HERC2: variants seen among roughly 807,000 people sequenced by gnomAD.
The protein encoded by HERC2 is HECT and RLD domain containing E3 ubiquitin protein ligase 2.
HERC2 carries 102 observed loss-of-function variants against 537.7 expected under a neutral mutation model. The ratio of observed to expected loss-of-function variants is 0.19; its 90% confidence interval spans 0.16 to 0.22. The LOEUF (loss-of-function observed/expected upper bound fraction) is 0.22. Among genes scored for constraint, HERC2 ranks in the 10% least tolerant of loss-of-function variants. The pLI is 1.00. For missense variants in HERC2, 4,236 were observed against 6,198.2 expected, an observed-to-expected ratio of 0.68 and a Z score of 10.63; for synonymous variants, 2,224 against 2,466.2, an observed-to-expected ratio of 0.90 and a Z score of 2.91.
chr15:28,129,761 C>T (rs968299216), intron 83 of HERC2, among the ~76,000 whole-genome samples: 2 of 148,994 alleles, frequency 1.3e-5, no homozygotes, highest in Non-Finnish European at 3.0e-5. Flanking sequence ...TCTCAGGACA[C>T]AGTATAAGCC....
intron 78 of HERC2, among the ~76,000 whole-genome samples, chr15:28,136,118 G>GAA (rs71132836): frequency 5.3e-5 from 8 of 151,312 alleles, no homozygotes; most frequent in Admixed American, 1.3e-4. Flanking sequence ...AACCACAAGG[G>GAA]AAAAAACACC....
At chr15:28,300,029 G>GT (rs1243409484) in intron 2 of HERC2, among the ~76,000 whole-genome samples, 1 of 146,164 alleles carries the variant, frequency 6.8e-6, no homozygotes, top group African/African-American at 2.5e-5. Context: ...CTCAGCCTGA[G>GT]TGACAAGAGC....
At chr15:28,154,571 GA>G (rs1013950323) in intron 69 of HERC2, among the ~76,000 whole-genome samples, 1 of 152,202 alleles carries the variant, frequency 6.6e-6, no homozygotes, top group African/African-American at 2.4e-5. Flanking sequence ...ATCATCTGCA[GA>G]GGGGTCATGA....
Position 28,177,289 on chromosome 15 carries a change from G to A in HERC2, c.9254+130C>T. The A allele has an allele frequency of 8.1e-7, 1 of 1,231,364 alleles. No individual in the cohort carries two copies. Among genetic ancestry groups the A allele is most frequent in the Non-Finnish European group, 1.1e-6 (1 of 877,064 alleles). 76.3% of individuals were successfully genotyped at this position (1,231,364 alleles called of 1,614,324 possible). On this transcript the variant is annotated intron_variant, in intron 60 of 92. Transcript: ENST00000261609. This position sits in a 1 kb window ranked among gnomAD's most constrained non-coding sequence, Gnocchi z 5.0. Reference sequence around the variant, plus strand: ...GTGAGACCAAAACACAAACAACCGTGTTAAAAAAATTTTGTTTAAGAACCA... The same window carrying A: ...GTGAGACCAAAACACAAACAACCGTATTAAAAAAATTTTGTTTAAGAACCA...
chr15:28,193,394 A>C (rs1407727757), intron 52 of HERC2, among the ~76,000 whole-genome samples: 1 of 152,230 alleles, frequency 6.6e-6, no homozygotes, highest in East Asian at 1.9e-4. Flanking sequence ...AACTCAGCTG[A>C]AGAGAAAGTA....
At chr15:28,241,206 G>A (rs561293544) in intron 23 of HERC2, among the ~76,000 whole-genome samples, 65 of 152,054 alleles carry the variant, frequency 4.3e-4, no homozygotes, top group African/African-American at 1.4e-3. Context: ...ATTAAAACAC[G>A]GGCAAAAGAC....
At chr15:28,304,274 T>C (rs989517812) in intron 2 of HERC2, among the ~76,000 whole-genome samples, 73 of 151,494 alleles carry the variant, frequency 4.8e-4, no homozygotes, top group Admixed American at 4.0e-4. Context: ...CATTTTTTGG[T>C]GGAGTTTTCA....
In HERC2 at chr15:28,178,962, T is replaced by C. The variant is rs1003966741; in HGVS notation, c.9088A>G (p.Ser3030Gly). Residue 3030 changes from serine to glycine, a missense_variant, in exon 59 of 93, where the codon AGC becomes GGC. Coordinates refer to ENST00000261609, the MANE Select transcript of HERC2 (RefSeq NM_004667.6). The part of the protein sequence containing the change: ...TNGRLGLGIS[S>G]GTVPIPRQIT... ...TGCCGTGGGATGGGCACCGTCCCGC[T>C]GGAAATGCCCAGCCCCAGCCGGCCA... 6.2e-7 allele frequency: 1 copy of C among 1,614,216 alleles called. No homozygotes were observed. The highest frequency in any genetic ancestry group is 8.5e-7 in the Non-Finnish European group (1 of 1,180,036).
chr15:28,168,382 A>G (rs865949761), intron 67 of HERC2, 25 bp downstream of exon 67: 5 of 1,607,422 alleles, frequency 3.1e-6, no homozygotes, highest in Middle Eastern at 1.7e-4. Context: ...TTTCTGATCT[A>G]ACATTGCTTT....
At chr15:28,307,789 G>A (rs4035961) in intron 2 of HERC2, among the ~76,000 whole-genome samples, 9 of 152,322 alleles carry the variant, frequency 5.9e-5, no homozygotes, top group Non-Finnish European at 8.8e-5. Flanking sequence ...AGTTTTCCCA[G>A]CACCATTTAT....
At chr15:28,212,061 C>G (rs969714745) in intron 43 of HERC2, among the ~76,000 whole-genome samples, 16 of 152,140 alleles carry the variant, frequency 1.1e-4, no homozygotes, top group Admixed American at 3.3e-4. Flanking sequence ...CAGGCGCTTC[C>G]GGGACAGAGG....
At chr15:28,170,624 C>A (rs148190038) in intron 65 of HERC2, among the ~76,000 whole-genome samples, 2 of 152,000 alleles carry the variant, frequency 1.3e-5, no homozygotes, top group Non-Finnish European at 2.9e-5. Flanking sequence ...AGACTTGACA[C>A]CAAAAGTATG....
intron 86 of HERC2, chr15:28,117,481 T>C (rs1285423897): frequency 3.2e-6 from 2 of 623,740 alleles, no homozygotes; most frequent in African/African-American, 1.8e-5. Context: ...AGCACCACCC[T>C]GGCACGGACC....
At chr15:28,293,947 G>A (rs565977457) in intron 3 of HERC2, among the ~76,000 whole-genome samples, 3,305 of 152,310 alleles carry the variant, frequency 0.022, 106 homozygotes, top group African/African-American at 0.074. Flanking sequence ...GTGTAAACAC[G>A]TTCCATCACA....
intron 59 of HERC2, 66 bp downstream of exon 59, chr15:28,178,821 C>G (rs1218110060): frequency 6.6e-7 from 1 of 1,509,184 alleles, no homozygotes; most frequent in Admixed American, 2.1e-5. Flanking sequence ...CCAATTAGGG[C>G]TTTGGTTAAC....
Position 28,112,043 on chromosome 15 carries a change from G to A in HERC2, c.14233-8C>T. ...GTTGTATTTATCCAACACCTGTTGAGCAGAAACATGAAGTGATTAGAAATT... is the reference window on the plus strand; with the variant it reads ...GTTGTATTTATCCAACACCTGTTGAACAGAAACATGAAGTGATTAGAAATT... On this transcript the variant is annotated splice_polypyrimidine_tract_variant and splice_region_variant and intron_variant, in intron 92 of 92. Transcript: ENST00000261609. 5 of 1,612,636 alleles carry A rather than the reference G, an allele frequency of 3.1e-6. No homozygotes were observed. Among genetic ancestry groups the A allele is most frequent in the Non-Finnish European group, 4.2e-6 (5 of 1,178,854 alleles).
intron 2 of HERC2, among the ~76,000 whole-genome samples, chr15:28,304,165 CAAAAAAAAAAAAAAA>C (rs779514776): frequency 2.2e-4 from 14 of 63,816 alleles, no homozygotes; most frequent in East Asian, 1.8e-3. Context: ...GACTCCATCT[CAAAAAAAAAAAAAAA>C]AAAAAAAAAA....
intron 2 of HERC2, chr15:28,312,626 A>AT (rs199844052): frequency 0.011 from 1,730 of 160,774 alleles, no homozygotes; most frequent in African/African-American, 0.04. Context: ...GACCCTATTC[A>AT]TAAAAAAAAT....
rs80225126 is a variant in HERC2 at position 28,181,900 on chromosome 15, C to T, written c.8937+501G>A. Among the ~76,000 whole-genome samples the T allele has an allele frequency of 4.5e-4, 69 of 152,316 alleles. 1 individual carries two copies. The East Asian group carries it at 0.012, about 26-fold the overall frequency. ...CATGGCGCTCTCCACCCACAACAAG[C>T]CCTGCAGAGAATAAGGCAAGTGTGT... On this transcript the variant is annotated intron_variant, in intron 57 of 92. Coordinates refer to ENST00000261609, the MANE Select transcript of HERC2 (RefSeq NM_004667.6).
Sources: gnomAD v4.1 joint callset for allele counts (sites outside exome capture counted in the v4.1 genomes callset) on GRCh38, gnomAD v4.1.1 for gene constraint, Gnocchi (gnomAD v3.1) non-coding constraint, MANE v1.5 for transcripts, NCBI Gene and HGNC (gene_info 2026-07-23, HGNC 2026-07-21) for gene names.